The following HDC variants were observed in gnomAD, a reference collection of about 807,000 sequenced individuals.
HDC encodes histidine decarboxylase.
Under a neutral mutation model 64.4 loss-of-function variants are expected in HDC, and 27 were observed. The ratio of observed to expected loss-of-function variants is 0.42; its 90% CI spans 0.31 to 0.58. The LOEUF (loss-of-function observed/expected upper bound fraction) is 0.58. Among genes scored for constraint, HDC ranks in the 20% least tolerant of loss-of-function variants. HDC has a pLI of 0.16. For synonymous variants in HDC, 305 were observed against 314.2 expected, an observed-to-expected ratio of 0.97 and a Z score of 0.31; for missense variants, 711 against 833.9, an observed-to-expected ratio of 0.85 and a Z score of 1.81.
At chr15:50,256,572 A>T (rs1377182078) in intron 4 of HDC, among the ~76,000 whole-genome samples, 1 of 152,112 alleles carries the variant, frequency 6.6e-6, no homozygotes, top group African/African-American at 2.4e-5. Context: ...TTGTTTGGAG[A>T]GATCAGGTTT....
chr15:50,259,934 AC>A (rs1371469049), intron 2 of HDC, among the ~76,000 whole-genome samples: 1 of 151,978 alleles, frequency 6.6e-6, no homozygotes, highest in African/African-American at 2.4e-5. Flanking sequence ...TCAGTCCCTA[AC>A]CAGCTGTGTG....
intron 3 of HDC, 143 bp from the exon 4 acceptor site, chr15:50,257,690 C>T: frequency 1.1e-6 from 1 of 877,242 alleles, no homozygotes; most frequent in Non-Finnish European, 1.9e-6. Flanking sequence ...TGCCTCTCTC[C>T]TGGTCCACTC....
intron 6 of HDC, 137 bp from the exon 7 acceptor site, chr15:50,253,803 CCATGGCTCGTAAGAAACA>C (rs2045590021): frequency 1.3e-6 from 1 of 756,628 alleles, no homozygotes; most frequent in Non-Finnish European, 2.4e-6. Flanking sequence ...CTGTGTTTTA[CCATGGCTCGTAAGAAACA>C]CATTTTATAT....
chr15:50,254,307 T>A (rs1433399786), intron 5 of HDC, 34 bp from the exon 6 acceptor site: 2 of 1,612,756 alleles, frequency 1.2e-6, no homozygotes, highest in South Asian at 2.2e-5. Context: ...CAGCAAAGAG[T>A]CATCCTGGAA....
At chr15:50,258,086 A>G (rs537502159) in intron 3 of HDC, among the ~76,000 whole-genome samples, 1 of 152,206 alleles carries the variant, frequency 6.6e-6, no homozygotes, top group African/African-American at 2.4e-5. Context: ...CAAATTGCTT[A>G]GGTAAGGTCA....
At chr15:50,252,579 C>T in intron 8 of HDC, 33 bp downstream of exon 8, 1 of 1,614,152 alleles carries the variant, frequency 6.2e-7, no homozygotes, top group Non-Finnish European at 8.5e-7. Context: ...GCAAGGCGTT[C>T]CTGCGTGCTC....
At chr15:50,260,818 C>A (rs2045693883) in intron 2 of HDC, among the ~76,000 whole-genome samples, 1 of 152,160 alleles carries the variant, frequency 6.6e-6, no homozygotes, top group South Asian at 2.1e-4. Flanking sequence ...GGGTGGTGTC[C>A]TGACTTTTCC....
intron 10 of HDC, among the ~76,000 whole-genome samples, chr15:50,244,285 CT>C (rs554623599): frequency 0.037 from 3,900 of 104,580 alleles, 88 homozygotes; most frequent in African/African-American, 0.12. Context: ...AGCTGAACCT[CT>C]TTTTTTTTTT....
At chr15:50,243,355 C>T (rs1341308491) in intron 10 of HDC, 111 bp from the exon 11 acceptor site, 6 of 780,880 alleles carry the variant, frequency 7.7e-6, no homozygotes, top group South Asian at 2.9e-5. Flanking sequence ...CCGTCACAGC[C>T]GTTGTAAGCG....
Position 50,252,440 on chromosome 15 carries a change from G to T in HDC, c.1031C>A (p.Thr344Asn), listed in dbSNP as rs2045568808. ...YLRHANSGVATDFMHWQIPLS... is the reference protein window; with the variant it reads ...YLRHANSGVANDFMHWQIPLS... ...TCCCTGGCCACTCACCATGAAGTCG[G>T]TGGCCACGCCTGAGTTGGCATGCCT... is the stretch of plus-strand genomic sequence containing the variant. The change falls in exon 9 of 12, where the codon ACC (threonine) becomes AAC (asparagine). Residue 344 changes from threonine (T) to asparagine (N), a missense_variant. Thr to Asn is a moderately conservative substitution (Grantham distance 65, BLOSUM62 0). Transcript: ENST00000267845. 1 of 1,614,132 alleles carries T rather than the reference G, an allele frequency of 6.2e-7. No homozygotes were observed. Among genetic ancestry groups the T allele is most frequent in the East Asian group, 2.2e-5 (1 of 44,886 alleles).
chr15:50,253,516 A>G (rs1567451314), intron 7 of HDC, 84 bp downstream of exon 7: 1 of 1,199,060 alleles, frequency 8.3e-7, no homozygotes, highest in Non-Finnish European at 1.2e-6. Flanking sequence ...GAATAATCCC[A>G]TAGAGCTGGT....
Position 50,258,366 on chromosome 15 carries a change from G to T in HDC, c.318+38C>A, listed in dbSNP as rs373376412. On this transcript the variant is annotated intron_variant, in intron 3 of 11. Transcript: ENST00000267845. ...GCCCTAGGATACCACTCCCTGCTAC[G>T]TTCCCCATTGCGAGTAGTTACAGCC... 4.1e-5 allele frequency: 47 copies of T among 1,156,020 alleles called. No homozygotes were observed. In the Admixed American group the frequency reaches 7.1e-4, roughly 18 times the overall value. 71.6% of individuals were successfully genotyped at this position (1,156,020 alleles called of 1,614,324 possible). A position where few individuals can be genotyped will look rare whatever the true frequency, so the allele number is the denominator to read the frequency against.
At chr15:50,257,273 G>T (rs1225582225) in intron 4 of HDC, 152 bp downstream of exon 4, 2 of 911,818 alleles carry the variant, frequency 2.2e-6, no homozygotes, top group Non-Finnish European at 3.5e-6. Context: ...TGGGAGTAGA[G>T]GTGGAAGCTG....
Position 50,242,210 on chromosome 15 carries a change from TCA to T in HDC, c.*48_*49del. On this transcript the variant is annotated 3_prime_UTR_variant, in exon 12 of 12. Coordinates refer to ENST00000267845, the MANE Select transcript of HDC (RefSeq NM_002112.4). ...AAGTTGGCATACAATTGTGAGGGGTTCACAGAGTCCCTGAAGTATATCCTCAG... is the reference window on the plus strand; with the variant it reads ...AAGTTGGCATACAATTGTGAGGGGTTCAGAGTCCCTGAAGTATATCCTCAG... 1 of 1,485,978 alleles carries T rather than the reference TCA, an allele frequency of 6.7e-7. No individual in the cohort carries two copies. Among genetic ancestry groups the T allele is most frequent in the Non-Finnish European group, 9.4e-7 (1 of 1,064,180 alleles). 92.0% of individuals were successfully genotyped at this position (1,485,978 alleles called of 1,614,324 possible).
Position 50,242,714 on chromosome 15 carries a change from G to A in HDC, c.1535C>T (p.Ala512Val). The change falls in exon 12 of 12, where the codon GCA becomes GTA. Residue 512 changes from alanine to valine, a missense_variant. Around this residue, in one of 3 missense-constraint regions of HDC, gnomAD observed 483 missense variants for 540.9 expected, o/e 0.89. Coordinates refer to ENST00000267845, the MANE Select transcript of HDC (RefSeq NM_002112.4). ...CCTGGCCTGGACTGGATCATCTCCT[G>A]CCCCACTGACAGACTGAAGGGACGT... is the stretch of plus-strand genomic sequence containing the variant. Reference protein sequence around the residue: ...CGTSLQSVSGAGDDPVQARKI... With the variant: ...CGTSLQSVSGVGDDPVQARKI... 1.2e-6 allele frequency: 2 copies of A among 1,614,018 alleles called. No individual in the cohort carries two copies. Among genetic ancestry groups the A allele is most frequent in the Non-Finnish European group, 1.7e-6 (2 of 1,179,992 alleles).
intron 9 of HDC, among the ~76,000 whole-genome samples, chr15:50,250,480 T>G (rs2045539853): frequency 6.6e-6 from 1 of 152,178 alleles, no homozygotes. Context: ...TCTAACATTT[T>G]TATGAGTTAT....
In HDC at chr15:50,242,998, A is replaced by G. The variant is rs1298807459; in HGVS notation, c.1251T>C (p.Asn417=). ...CCTTTAACACATTTTCTGTGAGACA[A>G]TTAGGACCCTGTTTGAAAAATAAAG... is the stretch of plus-strand genomic sequence containing the variant. ...GLVVFRLKGP[N]CLTENVLKEI... Residue 417 remains asparagine (N), a synonymous_variant, in exon 12 of 12, where the codon AAT becomes AAC. Coordinates refer to ENST00000267845, the MANE Select transcript of HDC (RefSeq NM_002112.4). 6.2e-7 allele frequency: 1 copy of G among 1,614,120 alleles called. No individual in the cohort carries two copies. Among genetic ancestry groups the G allele is most frequent in the Non-Finnish European group, 8.5e-7 (1 of 1,180,028 alleles).
chr15:50,253,385 G>T (rs994760165), intron 7 of HDC: 20 of 623,630 alleles, frequency 3.2e-5, no homozygotes, highest in Non-Finnish European at 5.8e-5. Context: ...AGGAGGCAAG[G>T]TAGGCCACCT....
At chr15:50,260,173 C>G (rs917073630) in intron 2 of HDC, among the ~76,000 whole-genome samples, 3 of 152,058 alleles carry the variant, frequency 2.0e-5, no homozygotes, top group East Asian at 3.9e-4. Context: ...AGGTGCCCAC[C>G]ACCATGCCTG....
Sources: gnomAD v4.1 joint callset for allele counts (sites outside exome capture counted in the v4.1 genomes callset) on GRCh38, gnomAD v4.1.1 for gene constraint, gnomAD v4.1.1 regional missense constraint, MANE v1.5 for transcripts, NCBI Gene and HGNC (gene_info 2026-07-23, HGNC 2026-07-21) for gene names.